Variants in RNF19B observed in about 807,000 individuals in gnomAD.
RNF19B encodes ring finger protein 19B.
In RNF19B, 23 loss-of-function variants were observed where a neutral mutation model predicts 65.5. That is an observed-to-expected ratio of 0.35 (90% confidence interval 0.25 to 0.50). The LOEUF (loss-of-function observed/expected upper bound fraction) is 0.50, where lower values mean the gene tolerates loss of function less well. Among genes scored for constraint, RNF19B ranks in the 20% least tolerant of loss-of-function variants. The pLI, the probability that RNF19B is intolerant of heterozygous loss-of-function variation, is 0.98. For missense variants in RNF19B, 794 were observed against 980.0 expected (o/e 0.81, Z 2.53); for synonymous variants, 372 against 379.6 (o/e 0.98, Z 0.23).
At chr1:32,930,371 A>G in the RNF19B span, among the ~76,000 whole-genome samples, 3 of 147,850 alleles carry the variant, frequency 2.0e-5, no homozygotes, top group East Asian at 2.0e-4. Context: ...CGGCCTCCCA[A>G]TGTTCCGGGA....
intron 2 of RNF19B, among the ~76,000 whole-genome samples, chr1:32,949,279 A>T (rs1161209103): frequency 6.6e-6 from 1 of 152,248 alleles, no homozygotes; most frequent in Non-Finnish European, 1.5e-5. Flanking sequence ...AAAAGCCCCT[A>T]GCAAAACAAA....
rs75163105 is a variant in RNF19B, at chr1:32,942,799, A to C, written c.1403-340T>G. 4.4e-3 allele frequency among the ~76,000 whole-genome samples: 666 copies of C among 152,298 alleles called. 3 individuals carry two copies. The highest frequency in any genetic ancestry group is 0.016 in the African/African-American group (650 of 41,548). ...GTAACCAAACGTGAAGATTTAAAAA[A>C]TATGTTTGGGTCATGTGCTGATTTT... is the stretch of plus-strand genomic sequence containing the variant. On this transcript the variant is annotated intron_variant, in intron 6 of 8. Transcript: ENST00000235150.
chr1:32,942,717 G>C (rs190755563), intron 6 of RNF19B, among the ~76,000 whole-genome samples: 196 of 152,330 alleles, frequency 1.3e-3, no homozygotes, highest in East Asian at 5.8e-4. Flanking sequence ...GTAGTTACAT[G>C]AAACTATAAC....
chr1:32,938,140 C>CAAAAAAAAAAAAAA (rs80176999), intron 8 of RNF19B, among the ~76,000 whole-genome samples: 27 of 46,036 alleles, frequency 5.9e-4, no homozygotes, highest in African/African-American at 1.6e-3. Context: ...CCAAGAAAGA[C>CAAAAAAAAAAAAAA]AAAAAAAAAA....
rs1642369093 is a variant in RNF19B, at chr1:32,946,440, C to G, written c.1108G>C (p.Ala370Pro). Reference protein sequence around the residue: ...ISLIAGIAIPAMVIGIPVYVG... With the variant: ...ISLIAGIAIPPMVIGIPVYVG... ...TAAACAGGAATGCCAATGACCATGG[C>G]AGGAATGGCAATGCCAGCAATGAGA... The change falls in exon 4 of 9, where the codon GCC (alanine) becomes CCC (proline). Residue 370 changes from alanine to proline, a missense_variant. Ala to Pro is a conservative substitution (Grantham distance 27). Coordinates refer to ENST00000235150, the MANE Select transcript of RNF19B (RefSeq NM_001300826.2). The G allele has an allele frequency of 6.2e-7, 1 of 1,613,864 alleles. No homozygotes were observed. Among genetic ancestry groups the G allele is most frequent in the Admixed American group, 1.7e-5 (1 of 59,998 alleles).
intron 1 of RNF19B, among the ~76,000 whole-genome samples, chr1:32,952,679 T>C (rs1250720687): frequency 2.7e-5 from 4 of 150,746 alleles, no homozygotes; most frequent in Admixed American, 2.0e-4. Flanking sequence ...GAGGTGGAGG[T>C]TGCAGTGAGC....
In RNF19B at chr1:32,964,727, ACAGCTCCCGCCT is replaced by A; in HGVS notation, c.-54_-43del. 1 of 1,371,876 alleles carries A rather than the reference ACAGCTCCCGCCT, an allele frequency of 7.3e-7. No individual in the cohort carries two copies. Among genetic ancestry groups the A allele is most frequent in the Middle Eastern group, 2.7e-4 (1 of 3,688 alleles). The allele number at this position is 1,371,876 out of a possible 1,614,324, so 85.0% of individuals were successfully genotyped here. On this transcript the variant is annotated 5_prime_UTR_variant, in exon 1 of 9. Transcript: ENST00000235150. This position sits in a 1 kb window ranked among gnomAD's most constrained non-coding sequence, Gnocchi z 6.5. The stretch of plus-strand genomic sequence containing the variant: ...GGAGCCAGGGGCGCCCAGCGCCGCC[ACAGCTCCCGCCT>A]CAGCGCCCCTCAGCCAGCGCCCGGC...
intron 1 of RNF19B, among the ~76,000 whole-genome samples, chr1:32,953,764 C>A (rs568232070): frequency 2.6e-5 from 4 of 151,926 alleles, no homozygotes; most frequent in Non-Finnish European, 5.9e-5. Flanking sequence ...ACTGGATGAC[C>A]TCAGAAAAGC....
chr1:32,964,481 G>C lies in RNF19B; in HGVS notation c.205C>G (p.Pro69Ala). The change falls in exon 1 of 9, where the codon CCT (proline) becomes GCT (alanine). Residue 69 changes from proline to alanine, a missense_variant. This residue lies in a region of RNF19B where 374 missense variants were observed against 423.8 expected (regional missense o/e 0.88). Coordinates refer to ENST00000235150, the MANE Select transcript of RNF19B (RefSeq NM_001300826.2). The surrounding 1 kb of genome is among the most constrained non-coding windows in gnomAD (Gnocchi z 6.5). ...GGCGGCGGGCCCTGGGCCGCGGCAG[G>C]GGCCGGGGCGGGCGGCGGCTGCGCA... ...PAAQPPPAPAPAAAQGPPPEA... is the reference protein window; with the variant it reads ...PAAQPPPAPAAAAAQGPPPEA... The C allele has an allele frequency of 1.1e-6, 1 of 952,106 alleles. No individual in the cohort carries two copies. 59.0% of individuals were successfully genotyped at this position (952,106 alleles called of 1,614,324 possible). A position where few individuals can be genotyped will look rare whatever the true frequency, so the allele number is the denominator to read the frequency against.
rs1178170382 is a variant in RNF19B, at chr1:32,964,009, G to C, written c.635+42C>G. The stretch of plus-strand genomic sequence containing the variant: ...CCTGCTGCCCCCAGCCACGCCCCTC[G>C]GCTGCAGCCCGCCGCCACCCGCGCC... On this transcript the variant is annotated intron_variant, in intron 1 of 8. Transcript: ENST00000235150. The surrounding 1 kb of genome is among the most constrained non-coding windows in gnomAD (Gnocchi z 6.5). The C allele has an allele frequency of 2.9e-6, 4 of 1,401,528 alleles. No individual in the cohort carries two copies. The highest frequency in any genetic ancestry group is 3.7e-6 in the Non-Finnish European group (4 of 1,083,864). 86.8% of individuals were successfully genotyped at this position (1,401,528 alleles called of 1,614,324 possible).
chr1:32,947,974 G>A (rs1045825556), intron 3 of RNF19B, among the ~76,000 whole-genome samples: 3 of 152,044 alleles, frequency 2.0e-5, no homozygotes, highest in African/African-American at 7.2e-5. Flanking sequence ...GAAAGAACAT[G>A]AACAAGTATG....
chr1:32,945,879 TA>T (rs892923961), intron 4 of RNF19B, among the ~76,000 whole-genome samples: 1 of 144,832 alleles, frequency 6.9e-6, no homozygotes, highest in Non-Finnish European at 1.6e-5. Context: ...CTTCTTCTTT[TA>T]TTTTTTTTTT....
downstream of RNF19B, chr1:32,936,310 T>G (rs1003458439): frequency 1.3e-5 from 2 of 152,862 alleles, no homozygotes; most frequent in Admixed American, 6.5e-5. Flanking sequence ...GGTTTATAGA[T>G]GACTACTGCG....
intron 1 of RNF19B, among the ~76,000 whole-genome samples, chr1:32,961,260 T>C (rs1442815993): frequency 6.6e-6 from 1 of 152,192 alleles, no homozygotes; most frequent in Non-Finnish European, 1.5e-5. Context: ...GACTCTAGTA[T>C]CTTTGGCTTT....
rs1007078110 is a variant in RNF19B, at chr1:32,948,497, C to T, written c.842-134G>A. The T allele has an allele frequency of 1.3e-5, 11 of 873,650 alleles. No homozygotes were observed. In the Admixed American group the frequency reaches 1.4e-4, roughly 11 times the overall value. The allele number at this position is 873,650 out of a possible 1,614,324, so 54.1% of individuals were successfully genotyped here. A position where few individuals can be genotyped will look rare whatever the true frequency, so the allele number is the denominator to read the frequency against. On this transcript the variant is annotated intron_variant, in intron 2 of 8. Coordinates refer to ENST00000235150, the MANE Select transcript of RNF19B (RefSeq NM_001300826.2). ...TCTTCACTGAACACTCCAAATTGTA[C>T]AACCCACTTTACTGGAAGGTTGGCT...
the RNF19B span, among the ~76,000 whole-genome samples, chr1:32,929,869 G>GGAT: frequency 6.6e-6 from 1 of 152,164 alleles, no homozygotes; most frequent in African/African-American, 2.4e-5. Context: ...TGGCACTGCA[G>GGAT]GATCCCATCA....
At position 32,964,408 on chromosome 1, in the gene RNF19B, G is replaced by C; in HGVS notation, c.278C>G (p.Ala93Gly). The C allele has an allele frequency of 3.9e-6, 5 of 1,277,282 alleles. No homozygotes were observed. The highest frequency in any genetic ancestry group is 4.9e-6 in the Non-Finnish European group (5 of 1,013,750). 79.1% of individuals were successfully genotyped at this position (1,277,282 alleles called of 1,614,324 possible). Reference sequence around the variant, plus strand: ...GAACCCAGGCTCCGCCGCCGCCGCCGCGGCCTCCGCCTCGGCCTCGGCGGC... The same window carrying C: ...GAACCCAGGCTCCGCCGCCGCCGCCCCGGCCTCCGCCTCGGCCTCGGCGGC... ...EPAAEAEAEA[A>G]AAAAEPGFDD... is the part of the protein sequence containing the mutation. The change falls in exon 1 of 9, where the codon GCG becomes GGG. Residue 93 changes from alanine (A) to glycine (G), a missense_variant. Physicochemically the swap from Ala to Gly is moderately conservative, Grantham distance 60. This residue lies in a region of RNF19B where 374 missense variants were observed against 423.8 expected (regional missense o/e 0.88). Transcript: ENST00000235150. The surrounding 1 kb of genome is among the most constrained non-coding windows in gnomAD (Gnocchi z 6.5).
chr1:32,935,041 A>G (rs375332549), downstream of RNF19B, among the ~76,000 whole-genome samples: 35 of 152,050 alleles, frequency 2.3e-4, no homozygotes, highest in African/African-American at 7.7e-4. Context: ...CATGTTGGCC[A>G]GGATGGTCTT....
At chr1:32,941,096 A>C (rs965331339) in intron 7 of RNF19B, among the ~76,000 whole-genome samples, 36 of 151,882 alleles carry the variant, frequency 2.4e-4, no homozygotes, top group African/African-American at 8.7e-4. Flanking sequence ...TGGTGTGTGC[A>C]CTTGTAGTCC....
Sources: allele counts gnomAD v4.1 joint callset (sites outside exome capture counted in the v4.1 genomes callset), GRCh38; gene constraint gnomAD v4.1.1; regional missense constraint gnomAD v4.1.1; non-coding constraint Gnocchi (gnomAD v3.1); transcripts MANE v1.5; gene names NCBI Gene and HGNC (gene_info 2026-07-23, HGNC 2026-07-21).